SLX4IP: variants seen among roughly 807,000 people sequenced by gnomAD.
SLX4IP encodes the protein SLX4 interacting protein, also known as protein SLX4IP.
In SLX4IP, 34 loss-of-function variants were observed where a neutral mutation model predicts 32.9. The ratio of observed to expected loss-of-function variants is 1.03; its 90% CI spans 0.79 to 1.38. SLX4IP has a LOEUF of 1.38. Among genes scored for constraint, SLX4IP ranks in the 40% most tolerant of loss-of-function variants. The probability of loss-of-function intolerance (pLI) is 0.00; values close to 1 mark genes in which losing one functional copy is unlikely to be tolerated. For missense variants in SLX4IP, 444 were observed against 479.0 expected (o/e 0.93, Z 0.68); for synonymous variants, 172 against 171.7 (o/e 1.00, Z -0.01).
At chr20:10,516,810 G>GA (rs1423369915) in intron 2 of SLX4IP, among the ~76,000 whole-genome samples, 1 of 152,144 alleles carries the variant, frequency 6.6e-6, no homozygotes, top group Non-Finnish European at 1.5e-5. Flanking sequence ...TTCACAGAAT[G>GA]AAAAAATGTC....
chr20:10,446,303 T>C (rs2065201972), intron 1 of SLX4IP, among the ~76,000 whole-genome samples: 1 of 151,534 alleles, frequency 6.6e-6, no homozygotes, highest in African/African-American at 2.4e-5. Flanking sequence ...TCCCAGCTAC[T>C]TGGGAGGCTG....
chr20:10,581,761 A>T (rs571299025), intron 4 of SLX4IP, among the ~76,000 whole-genome samples: 118 of 151,808 alleles, frequency 7.8e-4, no homozygotes, highest in African/African-American at 2.3e-3. Flanking sequence ...ACAAAAAAAA[A>T]TTTTTTTTTA....
intron 4 of SLX4IP, among the ~76,000 whole-genome samples, chr20:10,568,480 C>T (rs149606839): frequency 1.3e-3 from 194 of 152,310 alleles, no homozygotes; most frequent in African/African-American, 4.5e-3. Flanking sequence ...GAGAGATCGC[C>T]TCTGGAAGAA....
At chr20:10,501,347 C>A (rs907196193) in intron 2 of SLX4IP, among the ~76,000 whole-genome samples, 4 of 152,054 alleles carry the variant, frequency 2.6e-5, no homozygotes, top group African/African-American at 9.7e-5. Flanking sequence ...TCCCCTCCCC[C>A]CACAGTCTAT....
chr20:10,439,623 T>C (rs183577654), intron 1 of SLX4IP, among the ~76,000 whole-genome samples: 223 of 152,374 alleles, frequency 1.5e-3, no homozygotes, highest in Non-Finnish European at 2.7e-3. Flanking sequence ...TTTGCTGTTA[T>C]GTAGTTTATG....
At chr20:10,473,795 G>C (rs937938680) in intron 2 of SLX4IP, among the ~76,000 whole-genome samples, 1 of 151,504 alleles carries the variant, frequency 6.6e-6, no homozygotes, top group South Asian at 2.1e-4. Context: ...TAGTAGAGAC[G>C]GGGTTTCACC....
At chr20:10,576,819 G>A (rs77087848) in intron 4 of SLX4IP, among the ~76,000 whole-genome samples, 3,889 of 152,186 alleles carry the variant, frequency 0.026, 101 homozygotes, top group Admixed American at 0.086. Context: ...CCTGAAAGGG[G>A]ACACCAAAAA....
chr20:10,470,300 A>G (rs1460503259), intron 2 of SLX4IP, among the ~76,000 whole-genome samples: 1 of 152,170 alleles, frequency 6.6e-6, no homozygotes, highest in Admixed American at 6.5e-5. Flanking sequence ...TGTCCTTGCA[A>G]TTTACAGTCC....
intron 2 of SLX4IP, among the ~76,000 whole-genome samples, chr20:10,494,942 T>C (rs996095890): frequency 2.0e-5 from 3 of 152,182 alleles, no homozygotes; most frequent in Non-Finnish European, 4.4e-5. Flanking sequence ...ACTATAGTTA[T>C]TAATAATGTA....
Position 10,486,036 on chromosome 20 carries a change from G to A in SLX4IP, c.27+27805G>A, listed in dbSNP as rs908269779. Among the ~76,000 whole-genome samples the A allele has an allele frequency of 3.3e-5, 5 of 151,940 alleles. No individual in the cohort carries two copies. The South Asian group carries it at 8.3e-4, about 25-fold the overall frequency. The stretch of plus-strand genomic sequence containing the variant: ...CAGGCACCCTCGGTATAACATTATT[G>A]GAAAAATCTAGGTACAAATGGACCC... On this transcript the variant is annotated intron_variant, in intron 2 of 7. Transcript: ENST00000334534.
chr20:10,483,644 T>C (rs1157912297), intron 2 of SLX4IP, among the ~76,000 whole-genome samples: 11 of 151,884 alleles, frequency 7.2e-5, no homozygotes, highest in Admixed American at 7.2e-4. Context: ...ATCCTGACTA[T>C]AAAAAAACTA....
intron 2 of SLX4IP, among the ~76,000 whole-genome samples, chr20:10,515,760 G>A (rs536373877): frequency 6.6e-6 from 1 of 152,274 alleles, no homozygotes; most frequent in East Asian, 1.9e-4. Context: ...GCTTTTAGGT[G>A]TATTTGTATG....
intron 2 of SLX4IP, among the ~76,000 whole-genome samples, chr20:10,497,025 T>C (rs1489869059): frequency 6.6e-6 from 1 of 152,210 alleles, no homozygotes; most frequent in Non-Finnish European, 1.5e-5. Context: ...AGAAGTTAAG[T>C]GTATGTATCT....
At chr20:10,438,683 T>C (rs1401746191) in intron 1 of SLX4IP, among the ~76,000 whole-genome samples, 2 of 151,754 alleles carry the variant, frequency 1.3e-5, no homozygotes, top group South Asian at 2.1e-4. Context: ...AGTTTCACCA[T>C]GTTGATCAGG....
chr20:10,500,527 G>T (rs964221755), intron 2 of SLX4IP, among the ~76,000 whole-genome samples: 12 of 152,120 alleles, frequency 7.9e-5, no homozygotes, highest in Admixed American at 2.6e-4. Flanking sequence ...GAGGCAGGTG[G>T]ATCCTTTGAG....
At chr20:10,542,818 T>TA (rs1376761886) in intron 2 of SLX4IP, among the ~76,000 whole-genome samples, 1 of 152,218 alleles carries the variant, frequency 6.6e-6, no homozygotes, top group Non-Finnish European at 1.5e-5. Context: ...GGTCCAGTTT[T>TA]AGAGTTTTGT....
intron 4 of SLX4IP, among the ~76,000 whole-genome samples, chr20:10,592,334 C>A (rs1007952890): frequency 5.1e-5 from 6 of 118,454 alleles, no homozygotes; most frequent in Non-Finnish European, 9.1e-5. Flanking sequence ...CACAGAACAA[C>A]CCCTTTCTCC....
At position 10,438,019 on chromosome 20, in the gene SLX4IP, C is replaced by T. The variant is rs144665949; in HGVS notation, c.-30+2566C>T. Among the ~76,000 whole-genome samples the T allele has an allele frequency of 1.8e-3, 272 of 152,134 alleles. 2 individuals carry two copies. The highest frequency in any genetic ancestry group is 6.3e-3 in the African/African-American group (260 of 41,496). ...CAAGAAAAATGCTTGTCATAGTGCC[C>T]GGCACATAGTCACAGCCATGTAAAT... On this transcript the variant is annotated intron_variant, in intron 1 of 7. Coordinates refer to ENST00000334534, the MANE Select transcript of SLX4IP (RefSeq NM_001009608.3).
chr20:10,532,514 A>G (rs1284108884), intron 2 of SLX4IP, among the ~76,000 whole-genome samples: 1 of 152,166 alleles, frequency 6.6e-6, no homozygotes, highest in East Asian at 1.9e-4. Flanking sequence ...TGATTGGGAC[A>G]TAGTGCAGCC....
Sources: gnomAD v4.1 joint callset for allele counts (sites outside exome capture counted in the v4.1 genomes callset) on GRCh38, gnomAD v4.1.1 for gene constraint, MANE v1.5 for transcripts, NCBI Gene and HGNC (gene_info 2026-07-23, HGNC 2026-07-21) for gene names.